ATP13A5: variants seen among roughly 807,000 people sequenced by gnomAD.
The protein encoded by ATP13A5 is probable cation-transporting ATPase 13A5.
In ATP13A5, 149 loss-of-function variants were observed where a neutral mutation model predicts 150.2. The ratio of observed to expected loss-of-function variants is 0.99; its 90% CI spans 0.87 to 1.14. The LOEUF (loss-of-function observed/expected upper bound fraction) is 1.14, where lower values mean the gene tolerates loss of function less well. ATP13A5 is among the 50% of genes most tolerant of loss of function. The pLI, the probability that ATP13A5 is intolerant of heterozygous loss-of-function variation, is 0.00. For missense variants in ATP13A5, 1,383 were observed against 1,449.3 expected (o/e 0.95, Z 0.74); for synonymous variants, 497 against 522.2 (o/e 0.95, Z 0.66).
intron 16 of ATP13A5, among the ~76,000 whole-genome samples, chr3:193,320,731 G>T (rs1454421589): frequency 6.6e-6 from 1 of 152,156 alleles, no homozygotes; most frequent in Non-Finnish European, 1.5e-5. Context: ...CATAAGGAGA[G>T]TCTACATGAA....
At chr3:193,374,664 C>T (rs879658977) in intron 1 of ATP13A5, among the ~76,000 whole-genome samples, 12 of 152,092 alleles carry the variant, frequency 7.9e-5, no homozygotes, top group Non-Finnish European at 1.6e-4. Context: ...CACACACACA[C>T]ACACACACAC....
chr3:193,297,224 G>A (rs1718209621), intron 25 of ATP13A5, among the ~76,000 whole-genome samples: 1 of 152,030 alleles, frequency 6.6e-6, no homozygotes, highest in Admixed American at 6.6e-5. Context: ...CTCAAGGGAA[G>A]TGAAGAAGAG....
intron 16 of ATP13A5, among the ~76,000 whole-genome samples, chr3:193,320,535 A>G (rs1292376051): frequency 6.6e-6 from 1 of 152,222 alleles, no homozygotes; most frequent in Non-Finnish European, 1.5e-5. Flanking sequence ...GCTCAGCTGT[A>G]CCCGTGTAAC....
rs976136222 is a variant in ATP13A5, at chr3:193,331,167, T to G, written c.1417A>C (p.Arg473=). The G allele has an allele frequency of 6.2e-7, 1 of 1,614,004 alleles. No homozygotes were observed. The highest frequency in any genetic ancestry group is 8.5e-7 in the Non-Finnish European group (1 of 1,179,974). ...KKKIFCISPQ[R]INMCGQINLV... ...TTTATTTGCCCACACATGTTGATTC[T>G]CTGTGGGGAGATACAGAAGATTTTC... Residue 473 remains arginine (R), a synonymous_variant, in exon 12 of 30, where the codon AGA becomes CGA. Transcript: ENST00000342358.
chr3:193,310,589 G>A, intron 21 of ATP13A5, 49 bp downstream of exon 21: 1 of 1,425,046 alleles, frequency 7.0e-7, no homozygotes, highest in Non-Finnish European at 9.7e-7. Flanking sequence ...TTGACCCATA[G>A]GTAGCAAGAG....
At chr3:193,349,034 C>T (rs1284921018) in intron 7 of ATP13A5, among the ~76,000 whole-genome samples, 1 of 152,148 alleles carries the variant, frequency 6.6e-6, no homozygotes, top group Non-Finnish European at 1.5e-5. Flanking sequence ...TTTGCCATGT[C>T]CCATACAAAC....
rs534675648 is a variant in ATP13A5 at position 193,305,165 on chromosome 3, T to C, written c.2678+394A>G. On this transcript the variant is annotated intron_variant, in intron 23 of 29. Transcript: ENST00000342358. ...TACTAATTTGCATTTTGGAGACATGTAATAGTATTTAGGGAAGCTATCTAA... is the reference window on the plus strand; with the variant it reads ...TACTAATTTGCATTTTGGAGACATGCAATAGTATTTAGGGAAGCTATCTAA... Among the ~76,000 whole-genome samples the C allele has an allele frequency of 7.6e-4, 116 of 152,332 alleles. 3 individuals are homozygous for C. The South Asian group carries it at 0.024, about 32-fold the overall frequency.
chr3:193,306,325 A>G (rs1317691947), intron 22 of ATP13A5, among the ~76,000 whole-genome samples: 1 of 152,018 alleles, frequency 6.6e-6, no homozygotes, highest in Non-Finnish European at 1.5e-5. Flanking sequence ...TCATCAGACA[A>G]TGAACTCTTT....
Position 193,335,067 on chromosome 3 carries a change from G to A in ATP13A5, c.976C>T (p.Pro326Ser), listed in dbSNP as rs1711801822. Reference sequence around the variant, plus strand: ...CAAGGCATAGTGTTCTCCATCTGGGGCAATGGTGTCTTTGTAACAGGTATA... The same window carrying A: ...CAAGGCATAGTGTTCTCCATCTGGGACAATGGTGTCTTTGTAACAGGTATA... ...ESIPVTKTPL[P>S]QMENTMPWKC... Residue 326 changes from proline (P) to serine (S), a missense_variant, in exon 10 of 30, where the codon CCC (proline) becomes TCC (serine). By Grantham distance (74) the Pro-to-Ser change is moderately conservative. Transcript: ENST00000342358. 3 of 1,613,860 alleles carry A rather than the reference G, an allele frequency of 1.9e-6. No individual in the cohort carries two copies. Among genetic ancestry groups the A allele is most frequent in the Non-Finnish European group, 2.5e-6 (3 of 1,179,774 alleles).
chr3:193,324,431 G>A (rs1376324943), intron 14 of ATP13A5, among the ~76,000 whole-genome samples: 2 of 152,180 alleles, frequency 1.3e-5, no homozygotes, highest in Non-Finnish European at 2.9e-5. Context: ...TGCTCTACCA[G>A]AGAACACTGC....
intron 5 of ATP13A5, among the ~76,000 whole-genome samples, chr3:193,361,241 T>C (rs1393090222): frequency 6.6e-6 from 1 of 152,244 alleles, no homozygotes; most frequent in Non-Finnish European, 1.5e-5. Flanking sequence ...GCATTACATC[T>C]GAAATCTTAC....
Position 193,310,645 on chromosome 3 carries a change from T to C in ATP13A5, c.2518A>G (p.Lys840Glu), listed in dbSNP as rs754987441. The C allele has an allele frequency of 6.2e-7, 1 of 1,606,018 alleles. No individual in the cohort carries two copies. ...QKSSLIEEFQ[K>E]LNYYVGMCGD... Reference sequence around the variant, plus strand: ...TCATGCCATGACACCTACTTTAATTTCTGAAATTCTTCAATAAGGCTTGAT... The same window carrying C: ...TCATGCCATGACACCTACTTTAATTCCTGAAATTCTTCAATAAGGCTTGAT... The change falls in exon 21 of 30, where the codon AAA (lysine) becomes GAA (glutamate). Residue 840 changes from lysine to glutamate, a missense_variant. Transcript: ENST00000342358.
intron 5 of ATP13A5, 132 bp downstream of exon 5, chr3:193,362,249 C>T (rs997793911): frequency 7.7e-5 from 60 of 776,738 alleles, no homozygotes; most frequent in African/African-American, 5.3e-4. Flanking sequence ...AGGATATCTC[C>T]GCTGCCAGTA....
chr3:193,309,821 AT>A (rs919223416), intron 21 of ATP13A5, among the ~76,000 whole-genome samples: 1 of 151,756 alleles, frequency 6.6e-6, no homozygotes, highest in Non-Finnish European at 1.5e-5. Context: ...CTGGTGAGAG[AT>A]TTTTTTCCCC....
At chr3:193,336,866 G>A (rs1487575588) in intron 9 of ATP13A5, among the ~76,000 whole-genome samples, 1 of 152,020 alleles carries the variant, frequency 6.6e-6, no homozygotes, top group Admixed American at 6.6e-5. Context: ...GTGTAAAAGT[G>A]TTCCTATTTC....
In ATP13A5 at chr3:193,281,219, T is replaced by G. The variant is rs375604146; in HGVS notation, c.3227-1765A>C. On this transcript the variant is annotated intron_variant, in intron 27 of 29. Transcript: ENST00000342358. ...TTTGGAGTCCCAGGAACGCAGAAGC[T>G]GGGAAGAAGAGGACGCCTGAAAGGT... 38 of 985,360 alleles carry G rather than the reference T, an allele frequency of 3.9e-5. No homozygotes were observed. The African/African-American group carries it at 6.6e-4, about 17-fold the overall frequency. The allele number at this position is 985,360 out of a possible 1,614,324, so 61.0% of individuals were successfully genotyped here.
intron 23 of ATP13A5, among the ~76,000 whole-genome samples, chr3:193,303,255 C>A (rs1467951634): frequency 6.6e-6 from 1 of 152,104 alleles, no homozygotes; most frequent in African/African-American, 2.4e-5. Context: ...ACCTGGAATT[C>A]CTTCTCACCT....
intron 18 of ATP13A5, 62 bp from the exon 19 acceptor site, chr3:193,314,255 A>T: frequency 1.3e-6 from 2 of 1,551,602 alleles, no homozygotes; most frequent in South Asian, 2.4e-5. Context: ...ACAAGAACTG[A>T]GGTCTCCCTT....
chr3:193,289,764 T>C, intron 26 of ATP13A5, 121 bp downstream of exon 26: 1 of 952,820 alleles, frequency 1.0e-6, no homozygotes, highest in Non-Finnish European at 1.5e-6. Flanking sequence ...CATTTGAGTT[T>C]TGCAGCGACA....
Sources: allele counts gnomAD v4.1 joint callset (sites outside exome capture counted in the v4.1 genomes callset), GRCh38; gene constraint gnomAD v4.1.1; transcripts MANE v1.5; gene names NCBI Gene and HGNC (gene_info 2026-07-23, HGNC 2026-07-21).